SH3TC2: variants seen among roughly 807,000 people sequenced by gnomAD.
The protein encoded by SH3TC2 is SH3 domain and tetratricopeptide repeats 2, also known as SH3 domain and tetratricopeptide repeat-containing protein 2.
In SH3TC2, 87 loss-of-function variants were observed where a neutral mutation model predicts 124.5. The ratio of observed to expected loss-of-function variants is 0.70; its 90% CI spans 0.59 to 0.84. SH3TC2 has a LOEUF of 0.84. Ranked by LOEUF, SH3TC2 falls within the 40% of genes least tolerant of loss-of-function variation. The pLI is 0.00. For missense variants in SH3TC2, 1,536 were observed against 1,566.4 expected (o/e 0.98, Z 0.33); for synonymous variants, 634 against 628.5 (o/e 1.01, Z -0.13).
At chr5:149,043,348 A>C (rs1359055075) in intron 4 of SH3TC2, among the ~76,000 whole-genome samples, 1 of 152,142 alleles carries the variant, frequency 6.6e-6, no homozygotes, top group Non-Finnish European at 1.5e-5. Context: ...TGCCCAGAAG[A>C]TCTCTCTGGT....
At position 148,991,584 on chromosome 5, in the gene SH3TC2, T is replaced by C. The variant is rs187321144; in HGVS notation, c.*13127A>G. Among the ~76,000 whole-genome samples the C allele has an allele frequency of 6.6e-6, 1 of 152,276 alleles. No homozygotes were observed. The highest frequency in any genetic ancestry group is 2.4e-5 in the African/African-American group (1 of 41,562). ...CCAGGAGCTCCAGTTCTTTTAGTGG[T>C]AGTAACATCAAGTAGTCTCCAGACA... On this transcript the variant is annotated 3_prime_UTR_variant, in exon 17 of 17. Transcript: ENST00000515425.
chr5:149,010,339 A>G lies in SH3TC2; in HGVS notation c.3258T>C (p.Leu1086=). 1 of 1,614,154 alleles carries G rather than the reference A, an allele frequency of 6.2e-7. No homozygotes were observed. Among genetic ancestry groups the G allele is most frequent in the East Asian group, 2.2e-5 (1 of 44,888 alleles). Residue 1086 remains leucine, a synonymous_variant, in exon 14 of 17, where the codon CTT becomes CTC. Transcript: ENST00000515425. ...AGAACACATCACCTGCTTCTTCATA[A>G]AGTTTGAGAGCCAGCAAAGGCTCCT... The part of the protein sequence containing the change: ...KSEEPLLALK[L]YEEAGDVFFN...
rs866900031 is a variant in SH3TC2, at chr5:148,989,105, G to A, written c.*15606C>T. On this transcript the variant is annotated 3_prime_UTR_variant, in exon 17 of 17. Transcript: ENST00000515425. Reference sequence around the variant, plus strand: ...TTTGCTATTGTCATTGTTTTTTAACGTATTTTCTTTATATTTCCTTGAGTT... The same window carrying A: ...TTTGCTATTGTCATTGTTTTTTAACATATTTTCTTTATATTTCCTTGAGTT... 6.6e-5 allele frequency among the ~76,000 whole-genome samples: 10 copies of A among 152,052 alleles called. No homozygotes were observed. Among genetic ancestry groups the A allele is most frequent in the African/African-American group, 1.2e-4 (5 of 41,408 alleles).
intron 8 of SH3TC2, among the ~76,000 whole-genome samples, chr5:149,034,140 A>G (rs1395523146): frequency 1.3e-5 from 2 of 152,204 alleles, no homozygotes; most frequent in Non-Finnish European, 2.9e-5. Context: ...AAGATGGAGC[A>G]CTGTGAGAAG....
intron 16 of SH3TC2, among the ~76,000 whole-genome samples, chr5:149,005,184 C>T (rs1753666308): frequency 6.6e-6 from 1 of 152,152 alleles, no homozygotes; most frequent in Non-Finnish European, 1.5e-5. Flanking sequence ...GGGCACAGTG[C>T]TTCAGGGATG....
In SH3TC2 at chr5:148,994,828, C is replaced by A. The variant is rs2127388987; in HGVS notation, c.*9883G>T. Reference sequence around the variant, plus strand: ...CTAAACTCAGACTTTTCTTCCTAGTCCTTTGCATATATGCATCCAATCTCC... The same window carrying A: ...CTAAACTCAGACTTTTCTTCCTAGTACTTTGCATATATGCATCCAATCTCC... On this transcript the variant is annotated 3_prime_UTR_variant, in exon 17 of 17. Transcript: ENST00000515425. 6.6e-6 allele frequency among the ~76,000 whole-genome samples: 1 copy of A among 152,186 alleles called. No individual in the cohort carries two copies. Among genetic ancestry groups the A allele is most frequent in the South Asian group, 2.1e-4 (1 of 4,812 alleles).
intron 15 of SH3TC2, chr5:149,007,379 C>A: frequency 1.7e-6 from 1 of 584,882 alleles, no homozygotes. Context: ...TGGAGTGATT[C>A]CCAGAAGAAA....
At chr5:149,057,726 G>C (rs1011712095) in intron 1 of SH3TC2, 1 of 152,196 alleles carries the variant, frequency 6.6e-6, no homozygotes, top group African/African-American at 2.4e-5. Flanking sequence ...AGGTAGAGAA[G>C]TGGCTAAGAA....
chr5:149,055,389 T>A (rs250679), intron 1 of SH3TC2, among the ~76,000 whole-genome samples: 37,954 of 151,874 alleles, frequency 0.25, 5,415 homozygotes, highest in African/African-American at 0.37. Context: ...TTTTCACCAA[T>A]GACAATATTC....
rs866284763 is a variant in SH3TC2 at position 149,027,525 on chromosome 5, G to A, written c.2207C>T (p.Ala736Val). 2 of 1,614,220 alleles carry A rather than the reference G, an allele frequency of 1.2e-6. No homozygotes were observed. The highest frequency in any genetic ancestry group is 1.6e-4 in the Middle Eastern group (1 of 6,062). The change falls in exon 11 of 17, where the codon GCC becomes GTC. Residue 736 changes from alanine (A) to valine (V), a missense_variant. Ala to Val is a moderately conservative substitution (Grantham distance 64). Coordinates refer to ENST00000515425, the MANE Select transcript of SH3TC2 (RefSeq NM_024577.4). ...CAGGGCCTGTCTGAGCATTGGGCAG[G>A]CCAAGGCAGAAACTTCACCCCAGCC... ...SPGWGEVSAL[A>V]CPMLRQALAA...
At chr5:149,009,938 G>A (rs910752162) in intron 14 of SH3TC2, among the ~76,000 whole-genome samples, 1 of 151,998 alleles carries the variant, frequency 6.6e-6, no homozygotes, top group Admixed American at 6.6e-5. Flanking sequence ...TAGTAAATGG[G>A]AAACACTGGT....
In SH3TC2 at chr5:149,012,616, G is replaced by T; in HGVS notation, c.3172C>A (p.Gln1058Lys). The change falls in exon 13 of 17, where the codon CAG becomes AAG. Residue 1058 changes from glutamine to lysine, a missense_variant. By Grantham distance (53) the Gln-to-Lys change is moderately conservative (BLOSUM62 1). Transcript: ENST00000515425. ...LGAGRLHYLM[Q>K]EDELVELCLQ... ...CACAGCTCCACCAGCTCGTCTTCCT[G>T]CATGAGGTAGTGGAGTCGCCCCGCC... 1 of 1,614,138 alleles carries T rather than the reference G, an allele frequency of 6.2e-7. No homozygotes were observed. Among genetic ancestry groups the T allele is most frequent in the Non-Finnish European group, 8.5e-7 (1 of 1,180,022 alleles).
chr5:149,052,241 C>T lies in SH3TC2; in HGVS notation c.53-1G>A, dbSNP rs186851878. On this transcript the variant is annotated splice_acceptor_variant, in intron 1 of 16. Transcript: ENST00000515425. LOFTEE classifies it high-confidence loss of function. The stretch of plus-strand genomic sequence containing the variant: ...GGATCCTTGGAAGGAGTTTCTTTAC[C>T]TGGAGAAGATGAAATAAAAGGTCAT... 1.2e-5 allele frequency: 19 copies of T among 1,599,840 alleles called. No homozygotes were observed.
chr5:149,036,787 T>C (rs992098960), intron 8 of SH3TC2, among the ~76,000 whole-genome samples: 1 of 152,182 alleles, frequency 6.6e-6, no homozygotes, highest in Non-Finnish European at 1.5e-5. Flanking sequence ...CCAGACCAGT[T>C]ACACAACAGC....
In SH3TC2 at chr5:149,027,202, G is replaced by A; in HGVS notation, c.2530C>T (p.Leu844Phe). The A allele has an allele frequency of 6.2e-7, 1 of 1,614,232 alleles. No individual in the cohort carries two copies. Among genetic ancestry groups the A allele is most frequent in the Non-Finnish European group, 8.5e-7 (1 of 1,180,048 alleles). ...QRGVIYNLLG[L>F]ALQGEGRVNR... is the part of the protein sequence containing the mutation. ...ACCCGGCCTTCACCTTGGAGTGCAA[G>A]TCCCAGGAGGTTATAGATGACTCCC... The change falls in exon 11 of 17, where the codon CTT becomes TTT. Residue 844 changes from leucine (L) to phenylalanine (F), a missense_variant. Leu to Phe is a conservative substitution (Grantham distance 22). Transcript: ENST00000515425.
At chr5:149,012,476 G>T (rs1417103568) in intron 13 of SH3TC2, 108 bp downstream of exon 13, 3 of 1,415,472 alleles carry the variant, frequency 2.1e-6, no homozygotes, top group Non-Finnish European at 3.0e-6. Flanking sequence ...CACAGGCTTA[G>T]GGTGAACATC....
chr5:149,030,817 A>G (rs755934052), intron 9 of SH3TC2, among the ~76,000 whole-genome samples: 3 of 152,382 alleles, frequency 2.0e-5, no homozygotes, highest in Non-Finnish European at 4.4e-5. Context: ...CAATGAAGAG[A>G]TGGGAGAAAC....
rs35182601 is a variant in SH3TC2 at position 148,992,600 on chromosome 5, G to GTTTT, written c.*12107_*12110dup. On this transcript the variant is annotated 3_prime_UTR_variant, in exon 17 of 17. Coordinates refer to ENST00000515425, the MANE Select transcript of SH3TC2 (RefSeq NM_024577.4). ...ATAATTCCAAGAAGAGATTTCATTG[G>GTTTT]TTTTTTTTTTTTTTTTTTTTTTCAG... Among the ~76,000 whole-genome samples the GTTTT allele has an allele frequency of 2.2e-3, 230 of 102,498 alleles. No individual in the cohort carries two copies. Among genetic ancestry groups the GTTTT allele is most frequent in the African/African-American group, 4.0e-3 (111 of 27,504 alleles). 67.2% of individuals were successfully genotyped at this position (102,498 alleles called of 152,430 possible). A position where few individuals can be genotyped will look rare whatever the true frequency, so the allele number is the denominator to read the frequency against.
chr5:149,044,666 T>A (rs1281577996), intron 3 of SH3TC2, 28 bp from the exon 4 acceptor site: 1 of 1,564,186 alleles, frequency 6.4e-7, no homozygotes, highest in Non-Finnish European at 8.8e-7. Context: ...TGAGTCAGCC[T>A]GGGATGACAG....
Sources: gnomAD v4.1 joint callset for allele counts (sites outside exome capture counted in the v4.1 genomes callset) on GRCh38, gnomAD v4.1.1 for gene constraint, MANE v1.5 for transcripts, NCBI Gene and HGNC (gene_info 2026-07-23, HGNC 2026-07-21) for gene names.